The following CHADL variants were observed in gnomAD, a reference collection of about 807,000 sequenced individuals.
CHADL encodes chondroadherin-like protein.
In CHADL, 48 loss-of-function variants were observed where a neutral mutation model predicts 52.1. The ratio of observed to expected loss-of-function variants is 0.92; its 90% CI spans 0.73 to 1.17. The LOEUF is 1.17. Among genes scored for constraint, CHADL ranks in the 50% most tolerant of loss-of-function variants. CHADL has a pLI of 0.00. For synonymous variants in CHADL, 498 were observed against 511.2 expected, an observed-to-expected ratio of 0.97 and a Z score of 0.35; for missense variants, 977 against 1,035.1, an observed-to-expected ratio of 0.94 and a Z score of 0.77.
chr22:41,237,674 C>T lies in CHADL; in HGVS notation c.1398G>A (p.Ala466=), dbSNP rs1278144500. The T allele has an allele frequency of 2.6e-6, 4 of 1,542,646 alleles. No individual in the cohort carries two copies. In the South Asian group the frequency reaches 3.6e-5, roughly 14 times the overall value. ...GGCGGCCCAGCCCGGCCAGGGCGCC[C>T]GCTTCCAGCTCCGCGATGCCGCAGT... ...LQHCGIAELE[A]GALAGLGRLI... Residue 466 remains alanine (A), a synonymous_variant, in exon 3 of 6, where the codon GCG becomes GCA. Coordinates refer to ENST00000216241, the MANE Select transcript of CHADL (RefSeq NM_138481.2).
At position 41,238,221 on chromosome 22, in the gene CHADL, T is replaced by C. The variant is rs748186006; in HGVS notation, c.851A>G (p.Asp284Gly). 1.7e-4 allele frequency: 257 copies of C among 1,525,092 alleles called. No individual in the cohort carries two copies. Among genetic ancestry groups the C allele is most frequent in the Non-Finnish European group, 5.3e-5 (61 of 1,143,498 alleles). 94.5% of individuals were successfully genotyped at this position (1,525,092 alleles called of 1,614,324 possible). The change falls in exon 3 of 6, where the codon GAC becomes GGC. Residue 284 changes from aspartate (D) to glycine (G), a missense_variant. Physicochemically the swap from Asp to Gly is moderately conservative, Grantham distance 94. Coordinates refer to ENST00000216241, the MANE Select transcript of CHADL (RefSeq NM_138481.2). The surrounding 1 kb of genome is among the most constrained non-coding windows in gnomAD (Gnocchi z 4.9). ...FAHCPRLHTL[D>G]LRGNQLDTLP... ...GGTGTCTAGCTGGTTCCCGCGGAGG[T>C]CGAGGGTGTGCAGGCGCGGACAGTG... is the stretch of plus-strand genomic sequence containing the variant.
intron 5 of CHADL, chr22:41,230,865 G>C (rs556589671): frequency 6.6e-6 from 1 of 152,374 alleles, no homozygotes; most frequent in Admixed American, 6.5e-5. Flanking sequence ...ACCAGGATGT[G>C]GATTTTGGCG....
intron 2 of CHADL, 42 bp downstream of exon 2, chr22:41,239,401 T>A (rs780376896): frequency 6.5e-7 from 1 of 1,533,254 alleles, no homozygotes; most frequent in South Asian, 1.2e-5. Flanking sequence ...GTCCCCACCT[T>A]GCCCCACTGC....
At chr22:41,230,440 T>A (rs2032523617) in intron 5 of CHADL, 5 of 587,538 alleles carry the variant, frequency 8.5e-6, no homozygotes, top group South Asian at 8.1e-5. Context: ...GCTTCTGCCC[T>A]CCCCTGTGGA....
At chr22:41,231,651 A>C (rs1047024311) in intron 5 of CHADL, among the ~76,000 whole-genome samples, 17 of 152,216 alleles carry the variant, frequency 1.1e-4, no homozygotes, top group Non-Finnish European at 1.9e-4. Flanking sequence ...GTTTTTGCTC[A>C]ATCCATGCAG....
At chr22:41,239,777 CCCCA>C (rs1163056278) in intron 1 of CHADL, among the ~76,000 whole-genome samples, 157 bp from the exon 2 acceptor site, 1 of 152,204 alleles carries the variant, frequency 6.6e-6, no homozygotes, top group Non-Finnish European at 1.5e-5. Context: ...CCTCCCTGCC[CCCCA>C]CCCCCCACGC....
intron 5 of CHADL, among the ~76,000 whole-genome samples, chr22:41,232,452 C>T (rs966624741): frequency 3.3e-5 from 5 of 152,086 alleles, no homozygotes; most frequent in African/African-American, 1.2e-4. Flanking sequence ...TTCTGGGTGC[C>T]AGACACCAAA....
At position 41,237,616 on chromosome 22, in the gene CHADL, C is replaced by A. The variant is rs1236953974; in HGVS notation, c.1456G>T (p.Ala486Ser). 2 of 1,550,416 alleles carry A rather than the reference C, an allele frequency of 1.3e-6. No individual in the cohort carries two copies. The highest frequency in any genetic ancestry group is 8.7e-7 in the Non-Finnish European group (1 of 1,146,884). The change falls in exon 3 of 6, where the codon GCA becomes TCA. Residue 486 changes from alanine (A) to serine (S), a missense_variant. Physicochemically the swap from Ala to Ser is moderately conservative, Grantham distance 99 (BLOSUM62 1). Transcript: ENST00000216241. ...IYLYLSDNQL[A>S]GLSAAALEGA... is the part of the protein sequence containing the mutation. ...TCAAGGGCAGCAGCGCTGAGGCCTG[C>A]GAGCTGGTTGTCGGAGAGGTACAGG...
Position 41,238,943 on chromosome 22 carries a change from T to C in CHADL, c.187-58A>G. 6.8e-7 allele frequency: 1 copy of C among 1,470,238 alleles called. No individual in the cohort carries two copies. Among genetic ancestry groups the C allele is most frequent in the Non-Finnish European group, 9.0e-7 (1 of 1,106,576 alleles). 91.1% of individuals were successfully genotyped at this position (1,470,238 alleles called of 1,614,324 possible). A position where few individuals can be genotyped will look rare whatever the true frequency, so the allele number is the denominator to read the frequency against. On this transcript the variant is annotated intron_variant, in intron 2 of 5. Transcript: ENST00000216241. The surrounding 1 kb of genome is among the most constrained non-coding windows in gnomAD (Gnocchi z 4.9). The stretch of plus-strand genomic sequence containing the variant: ...CAGGCAGGGACCCCGCCTTTGCAAG[T>C]GCTGCTTCTTCCCCGGAACACTCTT...
intron 5 of CHADL, among the ~76,000 whole-genome samples, chr22:41,233,535 G>A (rs1045400335): frequency 3.3e-5 from 5 of 152,288 alleles, no homozygotes; most frequent in East Asian, 1.9e-4. Context: ...ACAACATCAC[G>A]TGAAGGTTGG....
Position 41,238,054 on chromosome 22 carries a change from G to T in CHADL, c.1018C>A (p.Arg340=). 7.9e-7 allele frequency: 1 copy of T among 1,271,752 alleles called. No individual in the cohort carries two copies. The highest frequency in any genetic ancestry group is 9.8e-7 in the Non-Finnish European group (1 of 1,016,568). 78.8% of individuals were successfully genotyped at this position (1,271,752 alleles called of 1,614,324 possible). A position where few individuals can be genotyped will look rare whatever the true frequency, so the allele number is the denominator to read the frequency against. The part of the protein sequence containing the change: ...VRSDGACQGP[R]RLRGEALDAL... ...TCCAGAGCCTCGCCCCGCAGGCGCC[G>T]CGGCCCCTGGCACGCGCCGTCCGAG... The change falls in exon 3 of 6, where the codon CGG becomes AGG. Residue 340 remains arginine, a synonymous_variant. Coordinates refer to ENST00000216241, the MANE Select transcript of CHADL (RefSeq NM_138481.2). This position sits in a 1 kb window ranked among gnomAD's most constrained non-coding sequence, Gnocchi z 4.9.
intron 5 of CHADL, among the ~76,000 whole-genome samples, chr22:41,231,834 G>T (rs554140394): frequency 3.3e-5 from 5 of 151,190 alleles, no homozygotes; most frequent in Non-Finnish European, 7.4e-5. Flanking sequence ...AACCTGCCCT[G>T]CCTCCCTTGT....
chr22:41,235,401 A>C (rs1043516541), intron 4 of CHADL, 58 bp from the exon 5 acceptor site: 1 of 1,430,014 alleles, frequency 7.0e-7, no homozygotes, highest in African/African-American at 1.4e-5. Context: ...AGTGGCCTGG[A>C]GCAGGTGGGC....
chr22:41,237,887 A>T lies in CHADL; in HGVS notation c.1185T>A (p.Pro395=). 9.1e-6 allele frequency: 9 copies of T among 984,810 alleles called. No individual in the cohort carries two copies. The highest frequency in any genetic ancestry group is 1.8e-5 in the African/African-American group (1 of 54,758). The allele number at this position is 984,810 out of a possible 1,614,324, so 61.0% of individuals were successfully genotyped here. A position where few individuals can be genotyped will look rare whatever the true frequency, so the allele number is the denominator to read the frequency against. The change falls in exon 3 of 6, where the codon CCT becomes CCA. Residue 395 remains proline (P), a synonymous_variant. Transcript: ENST00000216241. Reference sequence around the variant, plus strand: ...GGACGCACACGCAGGCGCGAGGGCAAGGCGCGACTGCCCGCTCCTCCCCGG... The same window carrying T: ...GGACGCACACGCAGGCGCGAGGGCATGGCGCGACTGCCCGCTCCTCCCCGG... ...RGPGEERAVA[P]CPRACVCVPE... is the part of the protein sequence containing the mutation.
rs2032805667 is a variant in CHADL, at chr22:41,238,774, G to C, written c.298C>G (p.Leu100Val). The C allele has an allele frequency of 6.5e-7, 1 of 1,549,440 alleles. No individual in the cohort carries two copies. The highest frequency in any genetic ancestry group is 8.7e-7 in the Non-Finnish European group (1 of 1,146,810). ...HLDLRHCEVELVAEGAFRGLG... is the reference protein window; with the variant it reads ...HLDLRHCEVEVVAEGAFRGLG... Reference sequence around the variant, plus strand: ...CCACGGAAGGCGCCCTCGGCCACCAGCTCCACCTCGCAGTGGCGCAGGTCC... The same window carrying C: ...CCACGGAAGGCGCCCTCGGCCACCACCTCCACCTCGCAGTGGCGCAGGTCC... Residue 100 changes from leucine to valine, a missense_variant, in exon 3 of 6, where the codon CTG (leucine) becomes GTG (valine). Coordinates refer to ENST00000216241, the MANE Select transcript of CHADL (RefSeq NM_138481.2). This position sits in a 1 kb window ranked among gnomAD's most constrained non-coding sequence, Gnocchi z 4.9.
rs1308324437 is a variant in CHADL, at chr22:41,229,620, G to A, written c.*84C>T. 6.2e-7 allele frequency: 1 copy of A among 1,613,926 alleles called. No individual in the cohort carries two copies. The highest frequency in any genetic ancestry group is 2.2e-5 in the East Asian group (1 of 44,888). ...CCTGCTGGAGGACGACCCTCAGGGT[G>A]CCAGGAAGATCTCGTCGGAGCCTGT... On this transcript the variant is annotated 3_prime_UTR_variant, in exon 6 of 6. Coordinates refer to ENST00000216241, the MANE Select transcript of CHADL (RefSeq NM_138481.2).
chr22:41,239,702 C>G (rs1223533375), intron 1 of CHADL, 82 bp from the exon 2 acceptor site: 2 of 1,288,754 alleles, frequency 1.6e-6, no homozygotes, highest in Non-Finnish European at 2.1e-6. Flanking sequence ...CATGGTGCAG[C>G]TCCTGCCCCA....
At chr22:41,240,075 C>CT (rs927523434) in intron 1 of CHADL, among the ~76,000 whole-genome samples, 4 of 152,036 alleles carry the variant, frequency 2.6e-5, no homozygotes, top group African/African-American at 9.7e-5. Flanking sequence ...GTCCTTGAGT[C>CT]TTTTTTTGTT....
At chr22:41,232,935 G>A (rs1425914471) in intron 5 of CHADL, among the ~76,000 whole-genome samples, 1 of 152,088 alleles carries the variant, frequency 6.6e-6, no homozygotes, top group Non-Finnish European at 1.5e-5. Context: ...GGCTTCCAAG[G>A]CAGAACTTGC....
Sources: gnomAD v4.1 joint callset for allele counts (sites outside exome capture counted in the v4.1 genomes callset) on GRCh38, gnomAD v4.1.1 for gene constraint, Gnocchi (gnomAD v3.1) non-coding constraint, MANE v1.5 for transcripts, NCBI Gene and HGNC (gene_info 2026-07-23, HGNC 2026-07-21) for gene names.